PACSIN2: variants seen among roughly 807,000 people sequenced by gnomAD.
PACSIN2 encodes protein kinase C and casein kinase substrate in neurons 2.
Under a neutral mutation model 63.8 loss-of-function variants are expected in PACSIN2, and 25 were observed. The observed-to-expected ratio is 0.39, with a 90% CI of 0.29 to 0.55. The LOEUF (loss-of-function observed/expected upper bound fraction) is 0.55, where lower values mean the gene tolerates loss of function less well. Ranked by LOEUF, PACSIN2 falls within the 20% of genes least tolerant of loss-of-function variation. The pLI is 0.62. For missense variants in PACSIN2, 518 were observed against 646.9 expected (o/e 0.80, Z 2.16); for synonymous variants, 255 against 256.2 (o/e 1.00, Z 0.05).
intron 1 of PACSIN2, among the ~76,000 whole-genome samples, chr22:43,006,928 A>T (rs1211409764): frequency 6.6e-6 from 1 of 152,180 alleles, no homozygotes; most frequent in Non-Finnish European, 1.5e-5. Context: ...CCACTCGAAA[A>T]GCCCTTCTCA....
chr22:43,011,932 G>A (rs1460257080), intron 1 of PACSIN2, among the ~76,000 whole-genome samples: 1 of 150,534 alleles, frequency 6.6e-6, no homozygotes, highest in African/African-American at 2.4e-5. Context: ...GGATCACAAG[G>A]TCAGGAAATC....
Position 42,916,884 on chromosome 22 carries a change from C to A in PACSIN2, c.-77-4727G>T, listed in dbSNP as rs186799808. On this transcript the variant is annotated intron_variant, in intron 1 of 10. Coordinates refer to ENST00000263246, the MANE Select transcript of PACSIN2 (RefSeq NM_001184970.3). The stretch of plus-strand genomic sequence containing the variant: ...TTCTTAGAATCACCACAGCAAGCCA[C>A]CCGAAGGTACTCGGAAATGTTGGTG... Among the ~76,000 whole-genome samples the A allele has an allele frequency of 9.2e-5, 14 of 152,296 alleles. No individual in the cohort carries two copies. The East Asian group carries it at 2.5e-3, about 27-fold the overall frequency.
chr22:42,985,361 C>A (rs1439437268), intron 1 of PACSIN2, among the ~76,000 whole-genome samples: 1 of 152,224 alleles, frequency 6.6e-6, no homozygotes, highest in Non-Finnish European at 1.5e-5. Flanking sequence ...ATGGGGTGCT[C>A]ACCCCAGAGA....
intron 1 of PACSIN2, among the ~76,000 whole-genome samples, chr22:43,000,652 A>G (rs1472337682): frequency 6.6e-6 from 1 of 152,220 alleles, no homozygotes; most frequent in Non-Finnish European, 1.5e-5. Flanking sequence ...TCTGAGCTAT[A>G]AGGGGAGGTG....
At chr22:42,962,469 C>A (rs1008465060) in intron 1 of PACSIN2, among the ~76,000 whole-genome samples, 4 of 152,040 alleles carry the variant, frequency 2.6e-5, no homozygotes, top group Non-Finnish European at 5.9e-5. Context: ...GCCCCTCCAA[C>A]TTGACTTCCC....
chr22:42,870,445 T>C lies in PACSIN2; in HGVS notation c.*912A>G, dbSNP rs1386484392. 2 of 152,134 alleles carry C rather than the reference T, an allele frequency of 1.3e-5. No individual in the cohort carries two copies. Among genetic ancestry groups the C allele is most frequent in the Admixed American group, 6.5e-5 (1 of 15,278 alleles). The allele number at this position is 152,134 out of a possible 1,614,324, so 9.4% of individuals were successfully genotyped here. On this transcript the variant is annotated 3_prime_UTR_variant, in exon 11 of 11. Transcript: ENST00000263246. ...AAATCTCATTAAAACAGTAGACGAG[T>C]GCTTTAGATTCTCTGAATATCAAAT... is the stretch of plus-strand genomic sequence containing the variant.
rs575868059 is a variant in PACSIN2, at chr22:42,921,825, G to A, written c.-77-9668C>T. Among the ~76,000 whole-genome samples the A allele has an allele frequency of 4.0e-5, 6 of 151,294 alleles. No homozygotes were observed. The South Asian group carries it at 8.3e-4, about 21-fold the overall frequency. On this transcript the variant is annotated intron_variant, in intron 1 of 10. Coordinates refer to ENST00000263246, the MANE Select transcript of PACSIN2 (RefSeq NM_001184970.3). ...GCGATCTCAGCTCACTGCAACCTCC[G>A]TCTCCCGGGTTCAGGCGATTCTCCT...
At chr22:42,998,831 C>A (rs1271816031) in intron 1 of PACSIN2, among the ~76,000 whole-genome samples, 1 of 152,094 alleles carries the variant, frequency 6.6e-6, no homozygotes, top group African/African-American at 2.4e-5. Flanking sequence ...CCCCAGAATC[C>A]AGGAGCAGAA....
chr22:42,912,068 A>T lies in PACSIN2; in HGVS notation c.13T>A (p.Tyr5Asn). The T allele has an allele frequency of 6.3e-7, 1 of 1,599,334 alleles. No homozygotes were observed. The highest frequency in any genetic ancestry group is 8.5e-7 in the Non-Finnish European group (1 of 1,174,770). Reference sequence around the variant, plus strand: ...ACTTCTACTCCAACGGAATCATCATATGTGACAGACATTTTTTCAAAGGCT... The same window carrying T: ...ACTTCTACTCCAACGGAATCATCATTTGTGACAGACATTTTTTCAAAGGCT... MSVT[Y>N]DDSVGVEVSS... The change falls in exon 2 of 11, where the codon TAT (tyrosine) becomes AAT (asparagine). Residue 5 changes from tyrosine to asparagine, a missense_variant. Transcript: ENST00000263246.
At chr22:42,918,313 C>A (rs898710657) in intron 1 of PACSIN2, among the ~76,000 whole-genome samples, 2 of 152,152 alleles carry the variant, frequency 1.3e-5, no homozygotes, top group Admixed American at 6.5e-5. Context: ...AGCTATATTG[C>A]CTGGAGTCTG....
At chr22:42,880,295 G>A (rs934617297) in intron 7 of PACSIN2, among the ~76,000 whole-genome samples, 2 of 152,222 alleles carry the variant, frequency 1.3e-5, no homozygotes, top group Non-Finnish European at 1.5e-5. Context: ...ACTTGGGCCC[G>A]ACCCCAAATC....
At chr22:42,876,749 G>T in intron 9 of PACSIN2, 139 bp downstream of exon 9, 2 of 1,057,248 alleles carry the variant, frequency 1.9e-6, no homozygotes, top group East Asian at 2.4e-5. Context: ...TAGTGGGCCA[G>T]GGTGCGGCAC....
intron 2 of PACSIN2, among the ~76,000 whole-genome samples, chr22:42,910,011 G>A (rs1002589920): frequency 1.3e-5 from 2 of 152,136 alleles, no homozygotes; most frequent in African/African-American, 2.4e-5. Flanking sequence ...CACAATACTA[G>A]GATATGGGTA....
At chr22:42,897,852 G>A (rs1930395494) in intron 2 of PACSIN2, among the ~76,000 whole-genome samples, 1 of 152,234 alleles carries the variant, frequency 6.6e-6, no homozygotes, top group Non-Finnish European at 1.5e-5. Flanking sequence ...CCAGGCACAG[G>A]GAACAGCACT....
chr22:42,980,465 ACCCTCTCCCTCT>A (rs1193318031), intron 1 of PACSIN2, among the ~76,000 whole-genome samples: 2 of 133,292 alleles, frequency 1.5e-5, no homozygotes, highest in South Asian at 4.9e-4. Context: ...AAAACAAACA[ACCCTCTCCCTCT>A]CCCTCTCCCC....
intron 1 of PACSIN2, among the ~76,000 whole-genome samples, chr22:42,918,826 T>C (rs1931976498): frequency 6.6e-6 from 1 of 152,214 alleles, no homozygotes; most frequent in African/African-American, 2.4e-5. Context: ...CAGGAAGTAC[T>C]ACTATAATTT....
intron 1 of PACSIN2, among the ~76,000 whole-genome samples, chr22:42,925,776 C>A (rs1341313646): frequency 6.6e-6 from 1 of 152,204 alleles, no homozygotes; most frequent in Admixed American, 6.5e-5. Context: ...GGTTTAGCAA[C>A]CACGGTTGGG....
chr22:43,005,159 T>C (rs1924014322), intron 1 of PACSIN2, among the ~76,000 whole-genome samples: 1 of 152,260 alleles, frequency 6.6e-6, no homozygotes, highest in Non-Finnish European at 1.5e-5. Flanking sequence ...CTTAATACAA[T>C]TTCACACAGG....
intron 1 of PACSIN2, among the ~76,000 whole-genome samples, chr22:42,969,887 G>C (rs550398007): frequency 6.0e-5 from 9 of 150,380 alleles, no homozygotes; most frequent in African/African-American, 2.2e-4. Context: ...TGAGTGACAG[G>C]GTGAGATGCT....
Sources: allele counts gnomAD v4.1 joint callset (sites outside exome capture counted in the v4.1 genomes callset), GRCh38; gene constraint gnomAD v4.1.1; transcripts MANE v1.5; gene names NCBI Gene and HGNC (gene_info 2026-07-23, HGNC 2026-07-21).